KAZN: variants seen among roughly 807,000 people sequenced by gnomAD.
The protein encoded by KAZN is kazrin, periplakin interacting protein.
KAZN carries 40 observed loss-of-function variants against 87.4 expected under a neutral mutation model. That is an observed-to-expected ratio of 0.46 (90% CI 0.36 to 0.60). The LOEUF (loss-of-function observed/expected upper bound fraction) is 0.60. Ranked by LOEUF, KAZN falls within the 20% of genes least tolerant of loss-of-function variation. The probability of loss-of-function intolerance (pLI) is 0.00; values close to 1 mark genes in which losing one functional copy is unlikely to be tolerated. For missense variants in KAZN, 898 were observed against 1,073.9 expected (o/e 0.84, Z 2.29); for synonymous variants, 466 against 458.3 (o/e 1.02, Z -0.22).
In KAZN at chr1:14,086,777, A is replaced by G. The variant is rs185953586; in HGVS notation, c.92-93658A>G. ...GGAAGGGTCTAGATACGGATATCCA[A>G]TTGTTCGAGGATAATTTATTTAAAA... is the stretch of plus-strand genomic sequence containing the variant. On this transcript the variant is annotated intron_variant, in intron 1 of 16. Transcript: ENST00000636203. Among the ~76,000 whole-genome samples, 675 of 152,240 alleles carry G rather than the reference A, an allele frequency of 4.4e-3. 1 individual carries two copies. The highest frequency in any genetic ancestry group is 6.4e-3 in the Non-Finnish European group (438 of 68,012).
At chr1:14,771,400 G>A (rs1004248704) in intron 1 of KAZN, among the ~76,000 whole-genome samples, 2 of 152,178 alleles carry the variant, frequency 1.3e-5, no homozygotes, top group African/African-American at 4.8e-5. Flanking sequence ...TTAATGTGGT[G>A]GAGGATGGAA....
chr1:14,372,371 T>A (rs539185076), intron 2 of KAZN, among the ~76,000 whole-genome samples: 3 of 152,198 alleles, frequency 2.0e-5, no homozygotes, highest in Non-Finnish European at 4.4e-5. Flanking sequence ...AATTGAAACA[T>A]GGTAAATATG....
intron 2 of KAZN, among the ~76,000 whole-genome samples, chr1:14,529,360 A>G (rs934364872): frequency 1.3e-5 from 2 of 152,198 alleles, no homozygotes; most frequent in Admixed American, 6.5e-5. Flanking sequence ...CCCGCTATCC[A>G]ATGGAAGCAT....
At chr1:14,481,020 A>T (rs1158958439) in intron 2 of KAZN, among the ~76,000 whole-genome samples, 1 of 151,574 alleles carries the variant, frequency 6.6e-6, no homozygotes, top group Non-Finnish European at 1.5e-5. Context: ...ACACTTGATC[A>T]GTTGCCTTCA....
At chr1:14,740,083 G>C (rs1482005663) in intron 1 of KAZN, among the ~76,000 whole-genome samples, 3 of 152,138 alleles carry the variant, frequency 2.0e-5, no homozygotes, top group African/African-American at 7.2e-5. Context: ...CTTGCAAAGC[G>C]GGGTTTTTGT....
intron 1 of KAZN, among the ~76,000 whole-genome samples, chr1:14,937,882 G>A (rs566955225): frequency 6.6e-5 from 10 of 152,252 alleles, no homozygotes; most frequent in Non-Finnish European, 1.5e-4. Flanking sequence ...CAGGCAGGCC[G>A]ATGCTACCTT....
chr1:14,332,461 T>C (rs765238724), intron 2 of KAZN, among the ~76,000 whole-genome samples: 1 of 152,198 alleles, frequency 6.6e-6, no homozygotes, highest in African/African-American at 2.4e-5. Context: ...GAGGCTCTGA[T>C]GTTTGACATT....
chr1:14,220,726 A>AC (rs1220480603), intron 2 of KAZN, among the ~76,000 whole-genome samples: 2 of 152,194 alleles, frequency 1.3e-5, no homozygotes, highest in Admixed American at 6.5e-5. Flanking sequence ...CTTAACATGA[A>AC]CAAAGTACAA....
In KAZN at chr1:14,779,517, T is replaced by G. The variant is rs577140629; in HGVS notation, c.226+180294T>G. The stretch of plus-strand genomic sequence containing the variant: ...TCATGAATATATTTACTTCTGAATT[T>G]AAGAACCATGATGGATTGACATCGG... On this transcript the variant is annotated intron_variant, in intron 1 of 14. Coordinates refer to ENST00000376030, the MANE Select transcript of KAZN (RefSeq NM_201628.3). Among the ~76,000 whole-genome samples, 4 of 152,290 alleles carry G rather than the reference T, an allele frequency of 2.6e-5. No individual in the cohort carries two copies. The East Asian group carries it at 7.7e-4, about 29-fold the overall frequency.
intron 1 of KAZN, among the ~76,000 whole-genome samples, chr1:14,164,126 A>T (rs1450580044): frequency 6.6e-6 from 1 of 152,210 alleles, no homozygotes; most frequent in Admixed American, 6.5e-5. Context: ...TACTGCTCAT[A>T]AATTACCTCC....
At position 14,393,912 on chromosome 1, in the gene KAZN, GT is replaced by G. The variant is rs368186840; in HGVS notation, c.250-205064del. Among the ~76,000 whole-genome samples the G allele has an allele frequency of 4.5e-3, 677 of 149,714 alleles. 6 individuals are homozygous for G. Among genetic ancestry groups the G allele is most frequent in the African/African-American group, 0.016 (653 of 41,044 alleles). On this transcript the variant is annotated intron_variant, in intron 2 of 16. Coordinates refer to the KAZN transcript ENST00000636203. The stretch of plus-strand genomic sequence containing the variant: ...CTCCCCAGCTGAAAGAAATGTGTGT[GT>G]TTTTTTAATGTAGTTGGAAAGCCCT...
At chr1:14,046,619 T>C (rs1642084996) in intron 1 of KAZN, among the ~76,000 whole-genome samples, 1 of 152,190 alleles carries the variant, frequency 6.6e-6, no homozygotes, top group South Asian at 2.1e-4. Context: ...ATGAGTGAAC[T>C]CTCAGACAGT....
At chr1:15,018,739 C>T (rs774157087) in intron 2 of KAZN, among the ~76,000 whole-genome samples, 1 of 152,058 alleles carries the variant, frequency 6.6e-6, no homozygotes, top group Non-Finnish European at 1.5e-5. Flanking sequence ...TCCTGGGCCA[C>T]GGTGTCTGGT....
chr1:14,166,091 G>A (rs1236507091), intron 1 of KAZN, among the ~76,000 whole-genome samples: 1 of 152,180 alleles, frequency 6.6e-6, no homozygotes, highest in Admixed American at 6.5e-5. Flanking sequence ...GAGGTGGGCA[G>A]ATCACCTGAG....
In KAZN at chr1:14,177,157, C is replaced by CA. The variant is rs36023820; in HGVS notation, c.92-3269dup. On this transcript the variant is annotated intron_variant, in intron 1 of 16. Coordinates refer to the KAZN transcript ENST00000636203. Reference sequence around the variant, plus strand: ...TGGGTGACACAGCGAGACGCCATCTCAAAAAAAAAGACAATATGCTTACAT... The same window carrying CA: ...TGGGTGACACAGCGAGACGCCATCTCAAAAAAAAAAGACAATATGCTTACAT... Among the ~76,000 whole-genome samples the CA allele has an allele frequency of 9.6e-3, 1,443 of 149,912 alleles. 22 individuals are homozygous for CA. The highest frequency in any genetic ancestry group is 0.032 in the African/African-American group (1,326 of 40,848).
chr1:14,149,776 A>AT (rs932152824), intron 1 of KAZN, among the ~76,000 whole-genome samples: 1 of 152,146 alleles, frequency 6.6e-6, no homozygotes, highest in Non-Finnish European at 1.5e-5. Flanking sequence ...AAATACCATG[A>AT]TTTTTTTAAA....
At chr1:14,617,466 G>A (rs1418317949) in intron 1 of KAZN, among the ~76,000 whole-genome samples, 2 of 152,194 alleles carry the variant, frequency 1.3e-5, no homozygotes, top group Non-Finnish European at 2.9e-5. Context: ...TGCTGCATGA[G>A]AGGGGTTACC....
At chr1:14,602,122 A>G (rs1315754343) in intron 1 of KAZN, among the ~76,000 whole-genome samples, 1 of 152,154 alleles carries the variant, frequency 6.6e-6, no homozygotes, top group Non-Finnish European at 1.5e-5. Flanking sequence ...TTTGATGAAG[A>G]AAATTTGGGT....
chr1:14,064,918 G>A (rs1049199641), intron 1 of KAZN, among the ~76,000 whole-genome samples: 2 of 152,162 alleles, frequency 1.3e-5, no homozygotes, highest in African/African-American at 4.8e-5. Flanking sequence ...GTCTTGTCCC[G>A]GCAAATGCTT....
Sources: allele counts gnomAD v4.1 joint callset (sites outside exome capture counted in the v4.1 genomes callset), GRCh38; gene constraint gnomAD v4.1.1; transcripts MANE v1.5; gene names NCBI Gene and HGNC (gene_info 2026-07-23, HGNC 2026-07-21).